Variants in NSMCE2 observed in about 807,000 individuals in gnomAD.
NSMCE2 encodes NSE2 SUMO ligase component of SMC5/6 complex, also known as E3 SUMO-protein ligase NSE2.
In NSMCE2, 24 loss-of-function variants were observed where a neutral mutation model predicts 23.8. The observed-to-expected ratio is 1.01, with a 90% CI of 0.73 to 1.42. The LOEUF is 1.42. Among genes scored for constraint, NSMCE2 ranks in the 40% most tolerant of loss-of-function variants. NSMCE2 has a pLI of 0.00. For missense variants in NSMCE2, 284 were observed against 296.5 expected, an observed-to-expected ratio of 0.96 and a Z score of 0.31; for synonymous variants, 92 against 94.1, an observed-to-expected ratio of 0.98 and a Z score of 0.13.
intron 5 of NSMCE2, among the ~76,000 whole-genome samples, chr8:125,247,385 A>C (rs1213454163): frequency 6.6e-6 from 1 of 152,202 alleles, no homozygotes; most frequent in Non-Finnish European, 1.5e-5. Context: ...GGAAATCTTA[A>C]GTCAAATAGC....
intron 3 of NSMCE2, among the ~76,000 whole-genome samples, chr8:125,114,483 A>G (rs1266064422): frequency 1.3e-5 from 2 of 152,182 alleles, no homozygotes; most frequent in African/African-American, 2.4e-5. Flanking sequence ...TATGCACTCC[A>G]TGCCTATACC....
chr8:125,183,130 G>A (rs549905961), intron 5 of NSMCE2, among the ~76,000 whole-genome samples: 3 of 152,144 alleles, frequency 2.0e-5, no homozygotes, highest in East Asian at 1.9e-4. Context: ...CATGGAGCAG[G>A]AGTGTTGTAT....
chr8:125,172,434 A>G (rs943382042), intron 4 of NSMCE2, among the ~76,000 whole-genome samples: 14 of 152,246 alleles, frequency 9.2e-5, no homozygotes, highest in Admixed American at 8.5e-4. Flanking sequence ...TCCAAGACTT[A>G]AATTTACAAA....
chr8:125,259,294 C>T (rs1826577565), intron 5 of NSMCE2, among the ~76,000 whole-genome samples: 1 of 152,128 alleles, frequency 6.6e-6, no homozygotes, highest in South Asian at 2.1e-4. Flanking sequence ...GCAGGAGTCC[C>T]CAGTCGGTGG....
chr8:125,246,937 TTAAG>T (rs1172855754), intron 5 of NSMCE2, among the ~76,000 whole-genome samples: 4 of 152,178 alleles, frequency 2.6e-5, no homozygotes, highest in Non-Finnish European at 4.4e-5. Context: ...ATCAGCATTC[TTAAG>T]TATTTCAAAC....
intron 5 of NSMCE2, among the ~76,000 whole-genome samples, chr8:125,265,769 T>TA (rs1467825664): frequency 6.6e-6 from 1 of 152,178 alleles, no homozygotes; most frequent in African/African-American, 2.4e-5. Flanking sequence ...CATAGCCACT[T>TA]AAAATGCCTA....
chr8:125,304,213 T>C (rs1267502217), intron 5 of NSMCE2, among the ~76,000 whole-genome samples: 3 of 152,222 alleles, frequency 2.0e-5, no homozygotes, highest in Non-Finnish European at 2.9e-5. Flanking sequence ...AAAACTAAGA[T>C]ACTTAAATTC....
At chr8:125,117,946 C>G (rs1244578033) in intron 3 of NSMCE2, among the ~76,000 whole-genome samples, 1 of 152,106 alleles carries the variant, frequency 6.6e-6, no homozygotes, top group African/African-American at 2.4e-5. Flanking sequence ...AAAATAAGCC[C>G]TTTTGTTAAT....
intron 5 of NSMCE2, among the ~76,000 whole-genome samples, chr8:125,280,293 C>G: frequency 6.6e-6 from 1 of 152,160 alleles, no homozygotes; most frequent in East Asian, 1.9e-4. Flanking sequence ...GAGAAACAGA[C>G]CCAAATACAT....
intron 5 of NSMCE2, among the ~76,000 whole-genome samples, chr8:125,189,924 T>A (rs1464196391): frequency 1.3e-5 from 2 of 152,210 alleles, no homozygotes; most frequent in Non-Finnish European, 2.9e-5. Context: ...TCAAACAAAT[T>A]GATGAAGTTT....
chr8:125,314,534 C>T (rs1285918115), intron 5 of NSMCE2, among the ~76,000 whole-genome samples: 1 of 152,232 alleles, frequency 6.6e-6, no homozygotes, highest in Non-Finnish European at 1.5e-5. Flanking sequence ...TCGTGATCCA[C>T]CCGCCTTGGC....
chr8:125,140,374 A>G (rs1820298187), intron 3 of NSMCE2, among the ~76,000 whole-genome samples: 1 of 152,182 alleles, frequency 6.6e-6, no homozygotes, highest in Non-Finnish European at 1.5e-5. Context: ...TTCAATAATC[A>G]TATAAAGGCC....
intron 5 of NSMCE2, among the ~76,000 whole-genome samples, chr8:125,333,731 T>C (rs2131305261): frequency 6.6e-6 from 1 of 151,984 alleles, no homozygotes; most frequent in South Asian, 2.1e-4. Flanking sequence ...GCCGGGATGG[T>C]CTCGATCTCC....
chr8:125,162,469 G>A (rs1352612650), intron 4 of NSMCE2, among the ~76,000 whole-genome samples: 1 of 152,094 alleles, frequency 6.6e-6, no homozygotes, highest in Non-Finnish European at 1.5e-5. Flanking sequence ...TCCAGTGTTA[G>A]AGTTAAATTT....
At chr8:125,200,624 A>G (rs1290409004) in intron 5 of NSMCE2, among the ~76,000 whole-genome samples, 2 of 152,002 alleles carry the variant, frequency 1.3e-5, no homozygotes, top group Non-Finnish European at 2.9e-5. Context: ...CTCCGTTTCA[A>G]CCTTGGTTAA....
intron 5 of NSMCE2, among the ~76,000 whole-genome samples, chr8:125,341,279 A>C (rs1830234173): frequency 6.6e-6 from 1 of 152,234 alleles, no homozygotes; most frequent in South Asian, 2.1e-4. Flanking sequence ...GTGACCCAAC[A>C]GCATCATCTT....
At chr8:125,366,357 G>A (rs975676789) in intron 7 of NSMCE2, among the ~76,000 whole-genome samples, 1 of 152,122 alleles carries the variant, frequency 6.6e-6, no homozygotes, top group African/African-American at 2.4e-5. Flanking sequence ...TGGCTAACAC[G>A]GTGAAACCCT....
At chr8:125,226,179 T>C (rs900976535) in intron 5 of NSMCE2, among the ~76,000 whole-genome samples, 1 of 152,218 alleles carries the variant, frequency 6.6e-6, no homozygotes, top group Non-Finnish European at 1.5e-5. Context: ...TGATGAATTA[T>C]GGAAATACTG....
At chr8:125,327,862 G>A (rs1396681805) in intron 5 of NSMCE2, among the ~76,000 whole-genome samples, 2 of 152,104 alleles carry the variant, frequency 1.3e-5, no homozygotes, top group African/African-American at 2.4e-5. Context: ...GGTTTACAGA[G>A]ATTCTTGACA....
Sources: allele counts gnomAD v4.1 joint callset (sites outside exome capture counted in the v4.1 genomes callset), GRCh38; gene constraint gnomAD v4.1.1; transcripts MANE v1.5; gene names NCBI Gene and HGNC (gene_info 2026-07-23, HGNC 2026-07-21).